Variants in GLIS3 observed in about 807,000 individuals in gnomAD.
GLIS3 encodes GLIS family zinc finger 3, also known as zinc finger protein GLIS3.
A neutral mutation model predicts 78.6 loss-of-function variants in GLIS3; 53 were observed. That is an observed-to-expected ratio of 0.67 (90% CI 0.54 to 0.85). The LOEUF (loss-of-function observed/expected upper bound fraction) is 0.85. GLIS3 is among the 40% of genes least tolerant of loss of function. The pLI is 0.00. For synonymous variants in GLIS3, 684 were observed against 509.9 expected (o/e 1.34, Z -4.60); for missense variants, 1,703 against 1,231.1 (o/e 1.38, Z -5.74).
intron 4 of GLIS3, among the ~76,000 whole-genome samples, chr9:3,946,227 T>G (rs955086214): frequency 3.3e-4 from 50 of 152,236 alleles, no homozygotes; most frequent in African/African-American, 1.2e-3. Flanking sequence ...GGCTGTGAGC[T>G]TTATAAGAAC....
intron 2 of GLIS3, among the ~76,000 whole-genome samples, chr9:4,152,495 G>C (rs1357074516): frequency 6.6e-6 from 1 of 152,152 alleles, no homozygotes; most frequent in Non-Finnish European, 1.5e-5. Context: ...CAAATTATGT[G>C]ACATGAAGCA....
At chr9:4,359,171 C>T in the GLIS3 span, among the ~76,000 whole-genome samples, 1 of 152,046 alleles carries the variant, frequency 6.6e-6, no homozygotes, top group African/African-American at 2.4e-5. Flanking sequence ...CCAGTATGTC[C>T]CACACCCTAA....
rs1587397338 is a variant in GLIS3 at position 4,346,356 on chromosome 9, A to G, written n.264+725T>C. 3.3e-5 allele frequency among the ~76,000 whole-genome samples: 5 copies of G among 151,442 alleles called. No individual in the cohort carries two copies. The Admixed American group carries it at 3.3e-4, about 10-fold the overall frequency. ...CATACAAAGCTTCATTTGACAGTCA[A>G]AGCAGAGCGATGACTTTGGTGTTCT... On this transcript the variant is annotated intron_variant and non_coding_transcript_variant, in intron 2 of 4. Coordinates refer to the GLIS3 transcript ENST00000471664.
chr9:4,055,275 G>A (rs1341025922), intron 4 of GLIS3, among the ~76,000 whole-genome samples: 1 of 152,104 alleles, frequency 6.6e-6, no homozygotes, highest in Admixed American at 6.5e-5. Context: ...TACAGATGTC[G>A]AGTCTGACTA....
intron 2 of GLIS3, among the ~76,000 whole-genome samples, chr9:4,201,237 G>A (rs1819363429): frequency 1.3e-5 from 2 of 152,032 alleles, no homozygotes. Context: ...ATACTAAACA[G>A]ACAAAACCTA....
intron 3 of GLIS3, among the ~76,000 whole-genome samples, chr9:4,124,566 G>A (rs1832427802): frequency 6.6e-6 from 1 of 152,156 alleles, no homozygotes; most frequent in African/African-American, 2.4e-5. Context: ...AATCATCAAT[G>A]GGAAAATGAC....
chr9:3,851,086 T>A (rs1263981248), intron 9 of GLIS3, among the ~76,000 whole-genome samples: 1 of 152,220 alleles, frequency 6.6e-6, no homozygotes, highest in Non-Finnish European at 1.5e-5. Context: ...TGGTGTCTCC[T>A]TGATGGGCCC....
At chr9:4,102,571 G>C (rs976704367) in intron 4 of GLIS3, among the ~76,000 whole-genome samples, 2 of 152,124 alleles carry the variant, frequency 1.3e-5, no homozygotes, top group African/African-American at 4.8e-5. Context: ...CCGGGATGCA[G>C]CTAAACAACC....
chr9:4,277,102 G>A (rs10974428), intron 2 of GLIS3, among the ~76,000 whole-genome samples: 35,207 of 151,944 alleles, frequency 0.23, 4,312 homozygotes, highest in East Asian at 0.26. Flanking sequence ...TCAAAATTGC[G>A]GGACCCCAAT....
chr9:4,265,011 A>G (rs1166510461), intron 2 of GLIS3, among the ~76,000 whole-genome samples: 1 of 104,818 alleles, frequency 9.5e-6, no homozygotes, highest in South Asian at 2.5e-4. Flanking sequence ...CTAAAAATAC[A>G]AAAAAAAAAA....
chr9:4,293,072 A>G (rs1029804440), intron 1 of GLIS3, among the ~76,000 whole-genome samples: 4 of 152,204 alleles, frequency 2.6e-5, no homozygotes, highest in Non-Finnish European at 4.4e-5. Context: ...CAAACAAACA[A>G]AAAACAAGCC....
intron 8 of GLIS3, among the ~76,000 whole-genome samples, chr9:3,877,640 G>A (rs1282211449): frequency 6.6e-6 from 1 of 152,060 alleles, no homozygotes; most frequent in African/African-American, 2.4e-5. Flanking sequence ...GTATCTAGGG[G>A]TAAAACTTAT....
At chr9:4,032,593 G>A (rs1445741174) in intron 4 of GLIS3, among the ~76,000 whole-genome samples, 1 of 152,126 alleles carries the variant, frequency 6.6e-6, no homozygotes, top group Admixed American at 6.5e-5. Context: ...ACAAATTTGA[G>A]TATTTCTAAT....
intron 7 of GLIS3, 135 bp from the exon 8 acceptor site, chr9:3,879,730 C>A (rs1044449504): frequency 1.1e-6 from 1 of 902,418 alleles, no homozygotes; most frequent in East Asian, 2.7e-5. Flanking sequence ...GAACAGTTCT[C>A]CCCTTCTTGG....
chr9:4,259,244 C>CTTTTATTTATTTATTTATTTATTTATTT (rs751630404), intron 2 of GLIS3, among the ~76,000 whole-genome samples: 25 of 151,466 alleles, frequency 1.7e-4, no homozygotes, highest in African/African-American at 6.1e-4. Flanking sequence ...TTGCTCATTT[C>CTTTTATTTATTTATTTATTTATTTATTT]ATTTATTTAT....
chr9:4,157,360 G>A (rs1412987556), intron 2 of GLIS3, among the ~76,000 whole-genome samples: 1 of 152,072 alleles, frequency 6.6e-6, no homozygotes, highest in African/African-American at 2.4e-5. Flanking sequence ...AAAATTCTCC[G>A]AGCTCTCAAC....
intron 4 of GLIS3, among the ~76,000 whole-genome samples, chr9:4,100,659 G>A (rs1384741436): frequency 6.6e-6 from 1 of 152,014 alleles, no homozygotes; most frequent in East Asian, 1.9e-4. Flanking sequence ...TAATTTAGCA[G>A]GACTCAGTTG....
chr9:4,465,782 G>A, the GLIS3 span, among the ~76,000 whole-genome samples: 1 of 152,000 alleles, frequency 6.6e-6, no homozygotes, highest in East Asian at 1.9e-4. Context: ...TATACCTCTT[G>A]GATTTCTGCC....
chr9:4,286,507 T>G lies in GLIS3; in HGVS notation c.-82A>C. On this transcript the variant is annotated 5_prime_UTR_variant, in exon 2 of 11. The change abolishes an upstream ATG in the 5' untranslated region. Transcript: ENST00000381971. ...CAGGCAAAGTCCAATAAGTTATCCA[T>G]GGTGTGGGTTATAAGCCTGTTTAAA... 1 of 1,526,590 alleles carries G rather than the reference T, an allele frequency of 6.6e-7. No individual in the cohort carries two copies. The highest frequency in any genetic ancestry group is 1.1e-5 in the South Asian group (1 of 88,076). The allele number at this position is 1,526,590 out of a possible 1,614,324, so 94.6% of individuals were successfully genotyped here.
Sources: allele counts gnomAD v4.1 joint callset (sites outside exome capture counted in the v4.1 genomes callset), GRCh38; gene constraint gnomAD v4.1.1; transcripts MANE v1.5; gene names NCBI Gene and HGNC (gene_info 2026-07-23, HGNC 2026-07-21).